The following GAB2 variants were observed in gnomAD, a reference collection of about 807,000 sequenced individuals.
GAB2 encodes GRB2 associated binding protein 2.
In GAB2, 26 loss-of-function variants were observed where a neutral mutation model predicts 65.5. That is an observed-to-expected ratio of 0.40 (90% CI 0.29 to 0.55). The LOEUF (loss-of-function observed/expected upper bound fraction) is 0.55. Ranked by LOEUF, GAB2 falls within the 20% of genes least tolerant of loss-of-function variation. The pLI is 0.53. For synonymous variants in GAB2, 321 were observed against 329.6 expected (o/e 0.97, Z 0.28); for missense variants, 884 against 875.8 (o/e 1.01, Z -0.12).
intron 1 of GAB2, among the ~76,000 whole-genome samples, chr11:78,347,465 G>A (rs1294677055): frequency 2.0e-5 from 3 of 152,112 alleles, no homozygotes; most frequent in Non-Finnish European, 2.9e-5. Context: ...TTGGTTGTAC[G>A]ATTTGAACAA....
At chr11:78,234,392 C>T (rs983289612) in intron 3 of GAB2, among the ~76,000 whole-genome samples, 2 of 151,960 alleles carry the variant, frequency 1.3e-5, no homozygotes, top group African/African-American at 4.8e-5. Context: ...CTAGAAGTTT[C>T]GTAGTATTAG....
At chr11:78,351,976 G>A (rs892122764) in intron 1 of GAB2, among the ~76,000 whole-genome samples, 1 of 152,156 alleles carries the variant, frequency 6.6e-6, no homozygotes, top group Admixed American at 6.5e-5. Flanking sequence ...ACTTTGGGAG[G>A]CCGAAGTGGA....
intron 1 of GAB2, among the ~76,000 whole-genome samples, chr11:78,353,159 A>T (rs1856305915): frequency 1.3e-5 from 2 of 152,092 alleles, no homozygotes; most frequent in African/African-American, 2.4e-5. Flanking sequence ...TGGGAATGGG[A>T]GCCAGGAGTG....
At chr11:78,364,634 T>C (rs1181608923) in intron 1 of GAB2, among the ~76,000 whole-genome samples, 1 of 152,210 alleles carries the variant, frequency 6.6e-6, no homozygotes, top group African/African-American at 2.4e-5. Flanking sequence ...TCTCACTTAA[T>C]AGCCATCCCC....
chr11:78,312,225 A>G (rs1261556401), intron 1 of GAB2, among the ~76,000 whole-genome samples: 1 of 151,960 alleles, frequency 6.6e-6, no homozygotes, highest in Non-Finnish European at 1.5e-5. Context: ...CAGTTCTTCA[A>G]TAAGAAAGTA....
Position 78,300,685 on chromosome 11 carries a change from G to GTTTT in GAB2, c.76-19788_76-19785dup, listed in dbSNP as rs763136988. Among the ~76,000 whole-genome samples the GTTTT allele has an allele frequency of 2.3e-3, 272 of 120,614 alleles. 8 individuals carry two copies. The highest frequency in any genetic ancestry group is 8.9e-3 in the African/African-American group (254 of 28,452). The allele number at this position is 120,614 out of a possible 152,430, so 79.1% of individuals were successfully genotyped here. On this transcript the variant is annotated intron_variant, in intron 1 of 9. Transcript: ENST00000361507. ...TCTCACTGTGTGGTTTTTTTTTTTG[G>GTTTT]TTTTTTTTTGTTTTTTTTTTTTTTT... is the stretch of plus-strand genomic sequence containing the variant.
chr11:78,291,647 C>A (rs537079814), intron 1 of GAB2, among the ~76,000 whole-genome samples: 71 of 131,910 alleles, frequency 5.4e-4, no homozygotes, highest in African/African-American at 1.9e-3. Flanking sequence ...ACATGGCTCA[C>A]TGTAGCCCCG....
intron 2 of GAB2, among the ~76,000 whole-genome samples, chr11:78,265,203 C>CATATATATAT (rs10530509): frequency 0.074 from 10,722 of 144,656 alleles, 513 homozygotes; most frequent in Admixed American, 0.11. Flanking sequence ...TTCTATACCA[C>CATATATATAT]ATATATATAT....
chr11:78,415,030 C>T (rs1185302831), intron 1 of GAB2, among the ~76,000 whole-genome samples: 2 of 152,058 alleles, frequency 1.3e-5, no homozygotes, highest in African/African-American at 4.8e-5. Flanking sequence ...CTCCATGACG[C>T]CCAGCTAATT....
At chr11:78,237,590 C>A (rs1865014757) in intron 3 of GAB2, among the ~76,000 whole-genome samples, 1 of 151,960 alleles carries the variant, frequency 6.6e-6, no homozygotes, top group African/African-American at 2.4e-5. Context: ...ATGCCACTGA[C>A]TGTACTTCAA....
chr11:78,323,852 C>G lies in GAB2; in HGVS notation c.76-42951G>C, dbSNP rs372110661. Among the ~76,000 whole-genome samples, 480 of 132,510 alleles carry G rather than the reference C, an allele frequency of 3.6e-3. 2 individuals are homozygous for G. The highest frequency in any genetic ancestry group is 0.013 in the African/African-American group (453 of 35,000). 86.9% of individuals were successfully genotyped at this position (132,510 alleles called of 152,430 possible). On this transcript the variant is annotated intron_variant, in intron 1 of 9. Coordinates refer to ENST00000361507, the MANE Select transcript of GAB2 (RefSeq NM_080491.3). ...TGGCTCTGTTGCCCAGGCTGGAGGG[C>G]ACTGGCACCATCTCAGCTCACTGCA...
At chr11:78,288,711 A>G (rs1866563056) in intron 1 of GAB2, among the ~76,000 whole-genome samples, 1 of 152,242 alleles carries the variant, frequency 6.6e-6, no homozygotes, top group African/African-American at 2.4e-5. Context: ...GAGACATACC[A>G]TATTCATGGA....
chr11:78,389,970 G>T (rs1306486669), intron 1 of GAB2, among the ~76,000 whole-genome samples: 1 of 152,140 alleles, frequency 6.6e-6, no homozygotes. Context: ...GTTCTTTTCA[G>T]CATAATATAG....
At position 78,217,670 on chromosome 11, in the gene GAB2, T is replaced by C. The variant is rs1864217417; in HGVS notation, c.*1602A>G. On this transcript the variant is annotated 3_prime_UTR_variant, in exon 10 of 10. Transcript: ENST00000361507. ...TAAAAACATTCAGATCCCCCACCCT[T>C]AGTTTAAGAGAAGGAACCTTGGGTG... is the stretch of plus-strand genomic sequence containing the variant. 6.6e-6 allele frequency: 1 copy of C among 152,242 alleles called. No individual in the cohort carries two copies. The allele number at this position is 152,242 out of a possible 1,614,324, so 9.4% of individuals were successfully genotyped here.
intron 1 of GAB2, among the ~76,000 whole-genome samples, chr11:78,392,702 T>C (rs1283632767): frequency 6.6e-6 from 1 of 152,090 alleles, no homozygotes; most frequent in African/African-American, 2.4e-5. Flanking sequence ...TTGTTCTTCA[T>C]CCCTCTCCAT....
At chr11:78,254,149 G>C (rs528971659) in intron 2 of GAB2, among the ~76,000 whole-genome samples, 2 of 152,168 alleles carry the variant, frequency 1.3e-5, no homozygotes, top group South Asian at 4.2e-4. Flanking sequence ...ATCAACATAG[G>C]GCAGCTATAA....
At chr11:78,346,878 C>T (rs1197205541) in intron 1 of GAB2, among the ~76,000 whole-genome samples, 1 of 151,360 alleles carries the variant, frequency 6.6e-6, no homozygotes, top group African/African-American at 2.4e-5. Flanking sequence ...ATGATTCTGT[C>T]ATGGCTCAAG....
intron 3 of GAB2, among the ~76,000 whole-genome samples, chr11:78,227,937 T>C (rs1183958822): frequency 1.3e-5 from 2 of 152,198 alleles, no homozygotes; most frequent in South Asian, 2.1e-4. Flanking sequence ...TAGAAATCTA[T>C]ATGAAGAATG....
At chr11:78,325,282 G>A (rs1193362642) in intron 1 of GAB2, among the ~76,000 whole-genome samples, 1 of 151,884 alleles carries the variant, frequency 6.6e-6, no homozygotes, top group Non-Finnish European at 1.5e-5. Context: ...TATAGGTGGG[G>A]AGGGGAAGCA....
Sources: gnomAD v4.1 joint callset for allele counts (sites outside exome capture counted in the v4.1 genomes callset) on GRCh38, gnomAD v4.1.1 for gene constraint, MANE v1.5 for transcripts, NCBI Gene and HGNC (gene_info 2026-07-23, HGNC 2026-07-21) for gene names.